BRF1: variants seen among roughly 807,000 people sequenced by gnomAD.
BRF1 encodes the protein transcription factor IIIB 90 kDa subunit.
In BRF1, 59 loss-of-function variants were observed where a neutral mutation model predicts 81.7. The observed-to-expected ratio is 0.72, with a 90% confidence interval of 0.59 to 0.90. The LOEUF (loss-of-function observed/expected upper bound fraction) is 0.90. Ranked by LOEUF, BRF1 falls within the 40% of genes least tolerant of loss-of-function variation. The probability of loss-of-function intolerance (pLI) is 0.00; values close to 1 mark genes in which losing one functional copy is unlikely to be tolerated. For missense variants in BRF1, 1,050 were observed against 936.3 expected, an observed-to-expected ratio of 1.12 and a Z score of -1.58; for synonymous variants, 491 against 395.6, an observed-to-expected ratio of 1.24 and a Z score of -2.86.
chr14:105,312,105 A>T (rs1044359614), intron 1 of BRF1, among the ~76,000 whole-genome samples: 1 of 152,166 alleles, frequency 6.6e-6, no homozygotes, highest in East Asian at 1.9e-4. Flanking sequence ...TGTCTGTGTC[A>T]TCTTAGCCCA....
intron 4 of BRF1, 32 bp from the exon 5 acceptor site, chr14:105,252,611 A>G: frequency 3.1e-6 from 5 of 1,601,668 alleles, no homozygotes; most frequent in Non-Finnish European, 4.3e-6. Flanking sequence ...CAGAAACAGC[A>G]TTGGTATTTA....
intron 1 of BRF1, among the ~76,000 whole-genome samples, chr14:105,313,847 G>T (rs1242905646): frequency 2.0e-5 from 3 of 152,224 alleles, no homozygotes; most frequent in South Asian, 2.1e-4. Flanking sequence ...AACAGATGGG[G>T]GAAGCACCCT....
chr14:105,249,244 C>T (rs1200252808), intron 5 of BRF1: 2 of 1,578,640 alleles, frequency 1.3e-6, no homozygotes, highest in Non-Finnish European at 1.7e-6. Context: ...TGCCCGCCCA[C>T]AAGGTGGGTA....
chr14:105,304,681 T>C (rs1158435510), upstream of BRF1, among the ~76,000 whole-genome samples: 1 of 152,164 alleles, frequency 6.6e-6, no homozygotes, highest in Non-Finnish European at 1.5e-5. Context: ...ACTGGGCGAT[T>C]AACAAACAAA....
chr14:105,247,117 C>T, intron 5 of BRF1: 1 of 985,478 alleles, frequency 1.0e-6, no homozygotes, highest in African/African-American at 1.7e-5. Flanking sequence ...ACGGCCACAG[C>T]AGCCAGCGTG....
intron 5 of BRF1, chr14:105,249,646 G>T: frequency 2.5e-6 from 4 of 1,611,286 alleles, no homozygotes; most frequent in African/African-American, 1.3e-5. Context: ...CTAGGTACAT[G>T]TACAGTGATG....
intron 1 of BRF1, among the ~76,000 whole-genome samples, chr14:105,310,126 A>C (rs180858177): frequency 2.0e-4 from 30 of 152,150 alleles, no homozygotes; most frequent in African/African-American, 6.3e-4. Context: ...TAGTAGTGAC[A>C]ACTGTCTCAC....
chr14:105,223,084 T>C (rs1892547724), intron 10 of BRF1, among the ~76,000 whole-genome samples: 1 of 152,168 alleles, frequency 6.6e-6, no homozygotes, highest in Admixed American at 6.5e-5. Context: ...TCCCAGCTAC[T>C]TGGGAGGCTG....
intron 10 of BRF1, among the ~76,000 whole-genome samples, chr14:105,223,608 G>A (rs1892642679): frequency 6.6e-6 from 1 of 152,182 alleles, no homozygotes; most frequent in Non-Finnish European, 1.5e-5. Context: ...CTAATTTATC[G>A]TGAAAAAAGT....
At chr14:105,291,487 C>T (rs1229846261) in intron 1 of BRF1, among the ~76,000 whole-genome samples, 1 of 152,052 alleles carries the variant, frequency 6.6e-6, no homozygotes, top group Non-Finnish European at 1.5e-5. Context: ...ACCAGCCTGG[C>T]CAACAGGGCG....
At position 105,300,514 on chromosome 14, in the gene BRF1, G is replaced by C; in HGVS notation, c.116C>G (p.Ser39Cys). ...GSVLEDNIIV[S>C]EVQFVESSGG... Reference sequence around the variant, plus strand: ...GCTGCTCTCCACGAACTGCACCTCGGACACGATGATGTTGTCCTCCAGCAC... The same window carrying C: ...GCTGCTCTCCACGAACTGCACCTCGCACACGATGATGTTGTCCTCCAGCAC... Residue 39 changes from serine (S) to cysteine (C), a missense_variant, in exon 1 of 18, where the codon TCC becomes TGC. Around this residue, in one of 2 missense-constraint regions of BRF1, gnomAD observed 1,043 missense variants for 915.4 expected, o/e 1.14. Coordinates refer to ENST00000547530, the MANE Select transcript of BRF1 (RefSeq NM_001519.4). 6.5e-7 allele frequency: 1 copy of C among 1,537,950 alleles called. No individual in the cohort carries two copies. Among genetic ancestry groups the C allele is most frequent in the Non-Finnish European group, 8.7e-7 (1 of 1,144,608 alleles).
Position 105,228,834 on chromosome 14 carries a change from G to C in BRF1, c.774C>G (p.Ser258=), listed in dbSNP as rs748507409. ...GAGCCCCTCACCTCTTCCGCAGCGT[G>C]GACTCACACACTTTGACCACACTGA... The part of the protein sequence containing the change: ...EVISVVKVCE[S]TLRKRLTEFE... Residue 258 remains serine (S), a synonymous_variant, in exon 7 of 18, where the codon TCC becomes TCG. Coordinates refer to ENST00000547530, the MANE Select transcript of BRF1 (RefSeq NM_001519.4). 3 of 1,613,910 alleles carry C rather than the reference G, an allele frequency of 1.9e-6. No individual in the cohort carries two copies. The South Asian group carries it at 3.3e-5, about 18-fold the overall frequency.
intron 4 of BRF1, among the ~76,000 whole-genome samples, chr14:105,254,560 GT>G (rs1427186063): frequency 1.4e-5 from 2 of 147,386 alleles, no homozygotes; most frequent in African/African-American, 2.5e-5. Context: ...CCTGGCCGCA[GT>G]TTTTTGTTTG....
At chr14:105,278,139 C>G (rs2056921136) in intron 2 of BRF1, among the ~76,000 whole-genome samples, 1 of 152,216 alleles carries the variant, frequency 6.6e-6, no homozygotes, top group African/African-American at 2.4e-5. Flanking sequence ...AGACTTCCTT[C>G]CAACAAATGA....
At chr14:105,263,715 G>A (rs1451174005) in intron 3 of BRF1, among the ~76,000 whole-genome samples, 1 of 152,136 alleles carries the variant, frequency 6.6e-6, no homozygotes, top group East Asian at 1.9e-4. Flanking sequence ...CACGAGGTCA[G>A]GAGATCGAGA....
At chr14:105,250,475 C>A in intron 5 of BRF1, 3 of 1,613,962 alleles carry the variant, frequency 1.9e-6, no homozygotes, top group Admixed American at 1.7e-5. Flanking sequence ...GTTTGAACAC[C>A]CGGTCCAGGT....
chr14:105,250,115 G>A lies in BRF1; in HGVS notation c.544+2392C>T, dbSNP rs587637844. 23 of 1,613,002 alleles carry A rather than the reference G, an allele frequency of 1.4e-5. No homozygotes were observed. In the South Asian group the frequency reaches 2.3e-4, roughly 16 times the overall value. ...GTTTGCCAACGGCGCTGCCCAGTCA[G>A]ACATCCTGACTCTGGAGGAGACCCA... On this transcript the variant is annotated intron_variant, in intron 5 of 17. Coordinates refer to ENST00000547530, the MANE Select transcript of BRF1 (RefSeq NM_001519.4).
At chr14:105,241,514 T>TCCAGGCCC (rs1445271403) in intron 5 of BRF1, 100 bp from the exon 6 acceptor site, 1 of 1,489,292 alleles carries the variant, frequency 6.7e-7, no homozygotes, top group Non-Finnish European at 9.1e-7. Flanking sequence ...CACTTGTCTT[T>TCCAGGCCC]CCAGGCCCCC....
intron 6 of BRF1, 55 bp downstream of exon 6, chr14:105,241,210 A>T (rs2054599060): frequency 5.0e-6 from 8 of 1,593,270 alleles, no homozygotes; most frequent in South Asian, 1.1e-5. Context: ...GAGTCAGGAA[A>T]GTGTGAGGCC....
Sources: gnomAD v4.1 joint callset for allele counts (sites outside exome capture counted in the v4.1 genomes callset) on GRCh38, gnomAD v4.1.1 for gene constraint, gnomAD v4.1.1 regional missense constraint, MANE v1.5 for transcripts, NCBI Gene and HGNC (gene_info 2026-07-23, HGNC 2026-07-21) for gene names.